MAP2K5: variants seen among roughly 807,000 people sequenced by gnomAD.
MAP2K5 encodes mitogen-activated protein kinase kinase 5.
A neutral mutation model predicts 83.1 loss-of-function variants in MAP2K5; 49 were observed. The ratio of observed to expected loss-of-function variants is 0.59; its 90% CI spans 0.47 to 0.75. The LOEUF (loss-of-function observed/expected upper bound fraction) is 0.75. Among genes scored for constraint, MAP2K5 ranks in the 30% least tolerant of loss-of-function variants. The pLI, the probability that MAP2K5 is intolerant of heterozygous loss-of-function variation, is 0.00. For synonymous variants in MAP2K5, 202 were observed against 191.8 expected, an observed-to-expected ratio of 1.05 and a Z score of -0.44; for missense variants, 457 against 557.5, an observed-to-expected ratio of 0.82 and a Z score of 1.82.
chr15:67,575,924 T>TTC, intron 3 of MAP2K5, among the ~76,000 whole-genome samples: 1 of 11,644 alleles, frequency 8.6e-5, no homozygotes, highest in Non-Finnish European at 1.9e-4. Context: ...TTCTTTTTTT[T>TTC]TTTTTTTTTT....
intron 3 of MAP2K5, among the ~76,000 whole-genome samples, chr15:67,575,795 A>C (rs889407664): frequency 1.3e-5 from 2 of 152,056 alleles, no homozygotes; most frequent in Non-Finnish European, 2.9e-5. Flanking sequence ...AAATGTAGAT[A>C]TGTAGTGCTG....
rs1417964811 is a variant in MAP2K5 at position 67,698,709 on chromosome 15, A to T, written c.973-4628A>T. The stretch of plus-strand genomic sequence containing the variant: ...AAATAACCATTCTTATCTCTAGAAC[A>T]TTTTTTTCTGCCCAAGCTATTCCAG... On this transcript the variant is annotated intron_variant, in intron 15 of 21. Transcript: ENST00000178640. This position sits in a 1 kb window ranked among gnomAD's most constrained non-coding sequence, Gnocchi z 4.5. 6.6e-6 allele frequency among the ~76,000 whole-genome samples: 1 copy of T among 152,096 alleles called. No homozygotes were observed. Among genetic ancestry groups the T allele is most frequent in the African/African-American group, 2.4e-5 (1 of 41,416 alleles).
rs1226127594 is a variant in MAP2K5 at position 67,717,307 on chromosome 15, A to C, written c.1045-10609A>C. 6.6e-6 allele frequency among the ~76,000 whole-genome samples: 1 copy of C among 152,250 alleles called. No homozygotes were observed. Among genetic ancestry groups the C allele is most frequent in the East Asian group, 1.9e-4 (1 of 5,202 alleles). On this transcript the variant is annotated intron_variant, in intron 16 of 21. Transcript: ENST00000178640. The surrounding 1 kb of genome is among the most constrained non-coding windows in gnomAD (Gnocchi z 4.1). ...CCTAGTTTATTTATTAAAAAGAAACACAAATATTAACCTAATCTCCAGTAT... is the reference window on the plus strand; with the variant it reads ...CCTAGTTTATTTATTAAAAAGAAACCCAAATATTAACCTAATCTCCAGTAT...
At chr15:67,593,002 C>G (rs1312395604) in intron 7 of MAP2K5, 28 bp downstream of exon 7, 2 of 1,429,236 alleles carry the variant, frequency 1.4e-6, no homozygotes, top group Non-Finnish European at 2.0e-6. Flanking sequence ...TTAAGATTTT[C>G]ACATAATAAT....
Position 67,738,467 on chromosome 15 carries a change from C to T in MAP2K5, c.1075-9764C>T, listed in dbSNP as rs1392568133. Among the ~76,000 whole-genome samples the T allele has an allele frequency of 6.6e-6, 1 of 152,194 alleles. No homozygotes were observed. Among genetic ancestry groups the T allele is most frequent in the Non-Finnish European group, 1.5e-5 (1 of 68,024 alleles). On this transcript the variant is annotated intron_variant, in intron 17 of 21. Transcript: ENST00000178640. This position sits in a 1 kb window ranked among gnomAD's most constrained non-coding sequence, Gnocchi z 4.1. ...GGCATAGGAGGCAGCAAATGACACA[C>T]CCGACAAGTGACAAATTAAGTCACT...
chr15:67,607,774 G>T (rs1181491699), intron 8 of MAP2K5, among the ~76,000 whole-genome samples: 1 of 151,610 alleles, frequency 6.6e-6, no homozygotes. Flanking sequence ...TTGTTTTATT[G>T]CTTGGAAAAG....
chr15:67,664,697 C>G, intron 13 of MAP2K5, 52 bp downstream of exon 13: 4 of 1,142,974 alleles, frequency 3.5e-6, no homozygotes. Flanking sequence ...GGTTGGGTCT[C>G]TCCAGATACC....
chr15:67,772,940 AC>A (rs1447047244), intron 21 of MAP2K5, among the ~76,000 whole-genome samples, 188 bp downstream of exon 21: 1 of 152,224 alleles, frequency 6.6e-6, no homozygotes, highest in Non-Finnish European at 1.5e-5. Context: ...TTAAAAACCC[AC>A]CACCTTTTTG....
At chr15:67,756,237 A>T (rs549534573) in intron 19 of MAP2K5, among the ~76,000 whole-genome samples, 12 of 152,320 alleles carry the variant, frequency 7.9e-5, no homozygotes, top group African/African-American at 2.9e-4. Flanking sequence ...GACTGCCCCT[A>T]TATGGCAACA....
chr15:67,806,500 G>A (rs1477915034), intron 21 of MAP2K5, 146 bp from the exon 22 acceptor site: 19 of 683,734 alleles, frequency 2.8e-5, no homozygotes, highest in South Asian at 5.8e-5. Context: ...TATCTAGGCC[G>A]TGAAATGGAG....
intron 6 of MAP2K5, chr15:67,588,001 C>G (rs530445014): frequency 1.5e-5 from 9 of 613,938 alleles, no homozygotes; most frequent in African/African-American, 2.0e-5. Context: ...CGTTCTTGGC[C>G]CATTCAGCCC....
In MAP2K5 at chr15:67,662,947, C is replaced by A. The variant is rs1051536492; in HGVS notation, c.799-1650C>A. Among the ~76,000 whole-genome samples the A allele has an allele frequency of 2.0e-5, 3 of 152,062 alleles. No homozygotes were observed. The South Asian group carries it at 6.2e-4, about 31-fold the overall frequency. ...ATATACTTTATAAATTTGGGGGGAG[C>A]TTTTTATTTTGAGATTATTTTAAAC... On this transcript the variant is annotated intron_variant, in intron 12 of 21. Transcript: ENST00000178640.
chr15:67,589,815 G>A (rs948435077), intron 6 of MAP2K5, among the ~76,000 whole-genome samples: 8 of 141,690 alleles, frequency 5.6e-5, no homozygotes, highest in Non-Finnish European at 1.1e-4. Flanking sequence ...GTGTGTGTGT[G>A]TATAAGAGAT....
chr15:67,548,799 A>G (rs112773064), intron 1 of MAP2K5, among the ~76,000 whole-genome samples: 1 of 152,168 alleles, frequency 6.6e-6, no homozygotes, highest in South Asian at 2.1e-4. Context: ...CAAAAAGTTG[A>G]TGTTTCATTT....
At chr15:67,551,674 T>G (rs982742559) in intron 2 of MAP2K5, among the ~76,000 whole-genome samples, 2 of 152,108 alleles carry the variant, frequency 1.3e-5, no homozygotes, top group African/African-American at 4.8e-5. Context: ...AGGGTCTCAC[T>G]CTTTTGCCCA....
intron 8 of MAP2K5, among the ~76,000 whole-genome samples, chr15:67,616,665 T>C (rs2086063072): frequency 6.6e-6 from 1 of 152,230 alleles, no homozygotes; most frequent in South Asian, 2.1e-4. Context: ...ATAGCCTTTG[T>C]TCACCGTTTT....
intron 8 of MAP2K5, among the ~76,000 whole-genome samples, chr15:67,623,745 C>G (rs1202951148): frequency 6.6e-6 from 1 of 151,690 alleles, no homozygotes; most frequent in Non-Finnish European, 1.5e-5. Context: ...TTACAGGCAC[C>G]CACCACCACA....
Position 67,720,821 on chromosome 15 carries a change from G to A in MAP2K5, c.1045-7095G>A, listed in dbSNP as rs998016749. The stretch of plus-strand genomic sequence containing the variant: ...AAACTTTGCTGGAGTAATATTCCAG[G>A]ATGATTTATCCTCCTGCTGCACTGG... On this transcript the variant is annotated intron_variant, in intron 16 of 21. Transcript: ENST00000178640. The surrounding 1 kb of genome is among the most constrained non-coding windows in gnomAD (Gnocchi z 5.7). 4.6e-5 allele frequency among the ~76,000 whole-genome samples: 7 copies of A among 152,150 alleles called. No homozygotes were observed. The highest frequency in any genetic ancestry group is 1.7e-4 in the African/African-American group (7 of 41,420).
chr15:67,787,150 A>G (rs1482137774), intron 21 of MAP2K5, among the ~76,000 whole-genome samples: 1 of 152,246 alleles, frequency 6.6e-6, no homozygotes, highest in Non-Finnish European at 1.5e-5. Context: ...GGCGGACAAC[A>G]GGACTGATTC....
Sources: gnomAD v4.1 joint callset for allele counts (sites outside exome capture counted in the v4.1 genomes callset) on GRCh38, gnomAD v4.1.1 for gene constraint, Gnocchi (gnomAD v3.1) non-coding constraint, MANE v1.5 for transcripts, NCBI Gene and HGNC (gene_info 2026-07-23, HGNC 2026-07-21) for gene names.